Variants in MAST4 observed in about 807,000 individuals in gnomAD.
MAST4 encodes the protein microtubule-associated serine/threonine-protein kinase 4.
A neutral mutation model predicts 162.7 loss-of-function variants in MAST4; 89 were observed. The ratio of observed to expected loss-of-function variants is 0.55; its 90% confidence interval spans 0.46 to 0.65. The LOEUF (loss-of-function observed/expected upper bound fraction) is 0.65. Ranked by LOEUF, MAST4 falls within the 30% of genes least tolerant of loss-of-function variation. The probability of loss-of-function intolerance (pLI) is 0.00; values close to 1 mark genes in which losing one functional copy is unlikely to be tolerated. For missense variants in MAST4, 3,153 were observed against 3,374.0 expected (o/e 0.93, Z 1.62); for synonymous variants, 1,479 against 1,361.1 (o/e 1.09, Z -1.91).
intron 3 of MAST4, among the ~76,000 whole-genome samples, chr5:66,826,093 C>T (rs1757240912): frequency 6.6e-6 from 1 of 152,126 alleles, no homozygotes; most frequent in Non-Finnish European, 1.5e-5. Flanking sequence ...ACTATTCCCT[C>T]CGCTAAGCCA....
chr5:67,001,866 T>C (rs1255652940), intron 4 of MAST4: 1 of 152,238 alleles, frequency 6.6e-6, no homozygotes, highest in Non-Finnish European at 1.5e-5. Flanking sequence ...CAAACACTCT[T>C]TCACATAGTT....
intron 3 of MAST4, among the ~76,000 whole-genome samples, chr5:66,895,037 T>A (rs2149960215): frequency 6.6e-6 from 1 of 152,262 alleles, no homozygotes; most frequent in East Asian, 1.9e-4. Context: ...TGCAGAGGTG[T>A]CCTAACTGGG....
chr5:66,753,260 A>T (rs1261675119), intron 1 of MAST4, among the ~76,000 whole-genome samples: 1 of 152,218 alleles, frequency 6.6e-6, no homozygotes, highest in African/African-American at 2.4e-5. Flanking sequence ...GCAAGAGCAA[A>T]CACATTCAAA....
At chr5:66,781,978 C>T (rs780698685) in intron 2 of MAST4, among the ~76,000 whole-genome samples, 4 of 152,066 alleles carry the variant, frequency 2.6e-5, no homozygotes, top group African/African-American at 2.4e-5. Context: ...CTTCCAGCTT[C>T]GGGGTGCTTT....
At chr5:67,106,749 C>T (rs1160503129) in intron 10 of MAST4, among the ~76,000 whole-genome samples, 3 of 152,152 alleles carry the variant, frequency 2.0e-5, no homozygotes, top group Non-Finnish European at 4.4e-5. Context: ...ATGCATTTAG[C>T]CATAATGAAT....
Position 67,056,313 on chromosome 5 carries a change from G to A in MAST4, c.763+1821G>A, listed in dbSNP as rs76347659. On this transcript the variant is annotated intron_variant, in intron 5 of 28. Coordinates refer to ENST00000403625, the MANE Select transcript of MAST4 (RefSeq NM_001164664.2). ...ACCCTGTCATTAAAATCCTACAGAG[G>A]GTCAAACAGTGCCAGATACCTTACT... Among the ~76,000 whole-genome samples the A allele has an allele frequency of 3.6e-3, 544 of 152,068 alleles. 5 individuals carry two copies. Among genetic ancestry groups the A allele is most frequent in the African/African-American group, 0.013 (529 of 41,454 alleles).
chr5:67,102,091 T>C (rs921620116), intron 8 of MAST4, among the ~76,000 whole-genome samples: 1 of 151,510 alleles, frequency 6.6e-6, no homozygotes, highest in South Asian at 2.1e-4. Flanking sequence ...TCTTCAGTGA[T>C]GTGTGGCAGA....
chr5:66,780,086 C>A (rs1754787200), intron 2 of MAST4, among the ~76,000 whole-genome samples: 2 of 152,136 alleles, frequency 1.3e-5, no homozygotes, highest in South Asian at 4.2e-4. Context: ...AATATACATA[C>A]CAAAATTTAC....
intron 3 of MAST4, among the ~76,000 whole-genome samples, chr5:66,828,298 G>A (rs552318363): frequency 2.6e-5 from 4 of 152,220 alleles, no homozygotes; most frequent in African/African-American, 9.6e-5. Context: ...TGTGTGTTCT[G>A]CTACATTTTT....
chr5:66,809,683 T>A (rs544190970), intron 3 of MAST4, among the ~76,000 whole-genome samples: 3 of 152,176 alleles, frequency 2.0e-5, no homozygotes, highest in African/African-American at 7.2e-5. Flanking sequence ...TGTGAATAAT[T>A]ATTGCTATTT....
chr5:66,751,070 C>T (rs1753129310), intron 1 of MAST4, among the ~76,000 whole-genome samples: 1 of 151,958 alleles, frequency 6.6e-6, no homozygotes, highest in Non-Finnish European at 1.5e-5. Flanking sequence ...TTCGAACAGA[C>T]CTGCAGCTGA....
intron 4 of MAST4, among the ~76,000 whole-genome samples, chr5:67,042,396 T>G (rs914994258): frequency 2.6e-5 from 4 of 152,228 alleles, no homozygotes; most frequent in African/African-American, 9.6e-5. Flanking sequence ...GCAACAGAAT[T>G]GGTTCCTTGT....
At chr5:67,026,682 C>A (rs1362570193) in intron 4 of MAST4, among the ~76,000 whole-genome samples, 1 of 152,110 alleles carries the variant, frequency 6.6e-6, no homozygotes, top group East Asian at 1.9e-4. Flanking sequence ...CTATCATGGT[C>A]ATTTATGCTA....
chr5:67,079,586 G>GT, intron 5 of MAST4, among the ~76,000 whole-genome samples: 1 of 151,970 alleles, frequency 6.6e-6, no homozygotes, highest in Non-Finnish European at 1.5e-5. Context: ...GTTGAGAGAG[G>GT]TTTTTTGGCT....
intron 4 of MAST4, among the ~76,000 whole-genome samples, chr5:66,987,364 G>C (rs1489773774): frequency 6.6e-6 from 1 of 152,114 alleles, no homozygotes; most frequent in Non-Finnish European, 1.5e-5. Flanking sequence ...GAAGTTTTCA[G>C]ATGAGCTGGA....
chr5:66,862,716 G>T (rs750142290), intron 3 of MAST4, among the ~76,000 whole-genome samples: 1 of 152,142 alleles, frequency 6.6e-6, no homozygotes, highest in Non-Finnish European at 1.5e-5. Context: ...GAATTTACTC[G>T]TCTATAAAAC....
chr5:66,661,932 CTG>C (rs1235852634), intron 1 of MAST4, among the ~76,000 whole-genome samples: 4 of 152,156 alleles, frequency 2.6e-5, no homozygotes, highest in Admixed American at 2.0e-4. Context: ...ATAATATTCT[CTG>C]TTATAAGCTA....
intron 1 of MAST4, among the ~76,000 whole-genome samples, chr5:66,727,873 C>T (rs1307852866): frequency 6.6e-6 from 1 of 152,070 alleles, no homozygotes; most frequent in Non-Finnish European, 1.5e-5. Context: ...GGGTCACTGT[C>T]AACTCCTTGT....
intron 5 of MAST4, among the ~76,000 whole-genome samples, chr5:67,074,953 C>G (rs138629293): frequency 0.013 from 1,987 of 152,296 alleles, 21 homozygotes; most frequent in Non-Finnish European, 0.022. Context: ...CCCTCACCAT[C>G]TGCCTCAGTC....
Sources: gnomAD v4.1 joint callset for allele counts (sites outside exome capture counted in the v4.1 genomes callset) on GRCh38, gnomAD v4.1.1 for gene constraint, MANE v1.5 for transcripts, NCBI Gene and HGNC (gene_info 2026-07-23, HGNC 2026-07-21) for gene names.